RNF115: variants seen among roughly 807,000 people sequenced by gnomAD.
RNF115 encodes ring finger protein 115, also known as E3 ubiquitin-protein ligase RNF115.
A neutral mutation model predicts 39.2 loss-of-function variants in RNF115; 31 were observed. The ratio of observed to expected loss-of-function variants is 0.79; its 90% CI spans 0.59 to 1.07. The LOEUF (loss-of-function observed/expected upper bound fraction) is 1.07. Ranked by LOEUF, RNF115 falls within the 50% of genes least tolerant of loss-of-function variation. RNF115 has a pLI of 0.00. For missense variants in RNF115, 384 were observed against 381.7 expected, an observed-to-expected ratio of 1.01 and a Z score of -0.05; for synonymous variants, 124 against 131.0, an observed-to-expected ratio of 0.95 and a Z score of 0.37.
intron 6 of RNF115, among the ~76,000 whole-genome samples, chr1:145,750,918 A>G (rs1271939788): frequency 2.6e-5 from 4 of 152,266 alleles, no homozygotes; most frequent in African/African-American, 9.6e-5. Context: ...ATTACTGCCT[A>G]TAAGACGACT....
At chr1:145,763,939 TG>T (rs1658636661) in intron 4 of RNF115, among the ~76,000 whole-genome samples, 15 of 134,710 alleles carry the variant, frequency 1.1e-4, no homozygotes, top group Non-Finnish European at 1.7e-4. Flanking sequence ...CTCCCTCTCT[TG>T]CCATGGTCTC....
At chr1:145,763,829 C>A (rs1269233195) in intron 4 of RNF115, among the ~76,000 whole-genome samples, 5 of 152,134 alleles carry the variant, frequency 3.3e-5, no homozygotes, top group Admixed American at 3.3e-4. Flanking sequence ...TGACCTAACA[C>A]AAAGGAAAAA....
At chr1:145,751,565 C>T (rs1196682883) in intron 5 of RNF115, 55 bp from the exon 6 acceptor site, 16 of 1,321,230 alleles carry the variant, frequency 1.2e-5, no homozygotes, top group South Asian at 4.0e-5. Context: ...CTCTGCCTTA[C>T]ACCACAGAAA....
Position 145,771,808 on chromosome 1 carries a change from T to G in RNF115, c.331A>C (p.Thr111Pro). ...RANERGHQTH[T>P]DFWGARPPRL... ...GGAGGTCTTGCTCCCCAGAAGTCAG[T>G]GTGAGTCTGGTGACCCCTTTCATTG... Residue 111 changes from threonine to proline, a missense_variant, in exon 4 of 9, where the codon ACT becomes CCT. Transcript: ENST00000582693. 1.9e-6 allele frequency: 3 copies of G among 1,614,062 alleles called. No homozygotes were observed. The highest frequency in any genetic ancestry group is 2.5e-6 in the Non-Finnish European group (3 of 1,179,912).
chr1:145,775,473 G>A (rs1363544505), intron 3 of RNF115, among the ~76,000 whole-genome samples: 6 of 146,900 alleles, frequency 4.1e-5, no homozygotes, highest in Non-Finnish European at 7.4e-5. Context: ...ATGGTTCACT[G>A]CAGCCTCAAT....
intron 6 of RNF115, among the ~76,000 whole-genome samples, 189 bp from the exon 7 acceptor site, chr1:145,750,689 C>T (rs1658047294): frequency 6.6e-6 from 1 of 152,180 alleles, no homozygotes; most frequent in Non-Finnish European, 1.5e-5. Flanking sequence ...TTTACAATTT[C>T]AGAGTGACGT....
At chr1:145,753,095 G>A (rs760704101) in intron 4 of RNF115, 46 bp from the exon 5 acceptor site, 42 of 1,274,098 alleles carry the variant, frequency 3.3e-5, no homozygotes, top group Non-Finnish European at 4.4e-5. Context: ...CTAATGAAAA[G>A]TACTCTACAG....
chr1:145,751,180 A>G (rs1317584840), intron 6 of RNF115, among the ~76,000 whole-genome samples: 1 of 152,210 alleles, frequency 6.6e-6, no homozygotes, highest in East Asian at 1.9e-4. Flanking sequence ...AAAAATACAA[A>G]ATACTATTTG....
chr1:145,807,763 CA>C (rs1649522000), intron 1 of RNF115, among the ~76,000 whole-genome samples: 1 of 152,126 alleles, frequency 6.6e-6, no homozygotes, highest in African/African-American at 2.4e-5. Flanking sequence ...TGCTATCAAA[CA>C]TCAGAACTTA....
At chr1:145,810,834 A>C (rs1406915801) in intron 1 of RNF115, among the ~76,000 whole-genome samples, 15 of 146,456 alleles carry the variant, frequency 1.0e-4, no homozygotes, top group African/African-American at 3.6e-4. Flanking sequence ...TTCTACGTAT[A>C]AGCACCAAGT....
chr1:145,768,163 ACTC>A (rs1408204435), intron 4 of RNF115, among the ~76,000 whole-genome samples: 1 of 152,060 alleles, frequency 6.6e-6, no homozygotes, highest in Non-Finnish European at 1.5e-5. Flanking sequence ...TTCTGGCCTC[ACTC>A]CTCCACTTTC....
intron 3 of RNF115, among the ~76,000 whole-genome samples, chr1:145,780,509 A>G (rs1553717192): frequency 6.6e-6 from 1 of 150,432 alleles, no homozygotes; most frequent in Non-Finnish European, 1.5e-5. Context: ...GGTCCCAGCT[A>G]CTCAGGAGGC....
In RNF115 at chr1:145,760,009, A is replaced by T. The variant is rs587644230; in HGVS notation, c.429-6960T>A. ...AGCACTTACTACTGCTTAAAATTCT[A>T]TTTATTTTGATCATCTATCTTTCTC... is the stretch of plus-strand genomic sequence containing the variant. On this transcript the variant is annotated intron_variant, in intron 4 of 8. Transcript: ENST00000582693. Among the ~76,000 whole-genome samples, 42 of 152,198 alleles carry T rather than the reference A, an allele frequency of 2.8e-4. No individual in the cohort carries two copies. The South Asian group carries it at 8.7e-3, about 32-fold the overall frequency.
At chr1:145,822,289 C>T (rs1214748068) in intron 1 of RNF115, among the ~76,000 whole-genome samples, 2 of 149,898 alleles carry the variant, frequency 1.3e-5, no homozygotes, top group Non-Finnish European at 3.0e-5. Context: ...AATCATGCTC[C>T]TGGGTGATAG....
chr1:145,785,150 A>G (rs782147245), intron 2 of RNF115, among the ~76,000 whole-genome samples: 12 of 150,160 alleles, frequency 8.0e-5, no homozygotes, highest in Non-Finnish European at 1.6e-4. Flanking sequence ...TGAACTCACC[A>G]ACCAAATAAG....
chr1:145,815,571 C>G (rs1263282373), intron 1 of RNF115, among the ~76,000 whole-genome samples: 1 of 152,238 alleles, frequency 6.6e-6, no homozygotes, highest in Non-Finnish European at 1.5e-5. Flanking sequence ...CTCCATGACA[C>G]AGCCCTCTGT....
intron 4 of RNF115, among the ~76,000 whole-genome samples, chr1:145,758,299 G>C (rs1384050914): frequency 1.3e-5 from 2 of 152,150 alleles, no homozygotes; most frequent in Non-Finnish European, 2.9e-5. Flanking sequence ...CCTATGGAGA[G>C]GCCCAGATGG....
intron 1 of RNF115, among the ~76,000 whole-genome samples, chr1:145,796,959 G>A (rs781968050): frequency 6.6e-6 from 1 of 151,976 alleles, no homozygotes; most frequent in Admixed American, 6.6e-5. Flanking sequence ...GACCCTCCCA[G>A]TCTTAAAACT....
chr1:145,767,517 C>A lies in RNF115; in HGVS notation c.428+4194G>T, dbSNP rs1403811588. 7.2e-5 allele frequency among the ~76,000 whole-genome samples: 11 copies of A among 152,134 alleles called. No individual in the cohort carries two copies. The East Asian group carries it at 1.4e-3, about 19-fold the overall frequency. On this transcript the variant is annotated intron_variant, in intron 4 of 8. Coordinates refer to ENST00000582693, the MANE Select transcript of RNF115 (RefSeq NM_014455.4). Reference sequence around the variant, plus strand: ...GGCAGCCAGGCAGAGAGGCTCCTCACATCCCAGACGATGGGCGGCCAGGCA... The same window carrying A: ...GGCAGCCAGGCAGAGAGGCTCCTCAAATCCCAGACGATGGGCGGCCAGGCA...
Sources: allele counts gnomAD v4.1 joint callset (sites outside exome capture counted in the v4.1 genomes callset), GRCh38; gene constraint gnomAD v4.1.1; transcripts MANE v1.5; gene names NCBI Gene and HGNC (gene_info 2026-07-23, HGNC 2026-07-21).